The following APPL2 variants were observed in gnomAD, a reference collection of about 807,000 sequenced individuals.
APPL2 encodes DCC-interacting protein 13-beta.
APPL2 carries 84 observed loss-of-function variants against 92.7 expected under a neutral mutation model. The observed-to-expected ratio is 0.91, with a 90% CI of 0.76 to 1.09. The LOEUF (loss-of-function observed/expected upper bound fraction) is 1.09, where lower values mean the gene tolerates loss of function less well. APPL2 is among the 50% of genes least tolerant of loss of function. APPL2 has a pLI of 0.00. For synonymous variants in APPL2, 291 were observed against 291.0 expected (o/e 1.00, Z 0.00); for missense variants, 736 against 824.5 (o/e 0.89, Z 1.31).
At chr12:105,222,570 C>T in intron 2 of APPL2, among the ~76,000 whole-genome samples, 1 of 152,276 alleles carries the variant, frequency 6.6e-6, no homozygotes, top group South Asian at 2.1e-4. Context: ...GAAATGACAA[C>T]AAAGTGTGCC....
intron 1 of APPL2, among the ~76,000 whole-genome samples, chr12:105,232,796 C>T (rs1461342899): frequency 1.4e-5 from 2 of 144,938 alleles, no homozygotes; most frequent in Non-Finnish European, 3.0e-5. Flanking sequence ...AGAACCAAGT[C>T]TATTGAAAGG....
rs767146162 is a variant in APPL2, at chr12:105,208,163, C to T, written c.410G>A (p.Ser137Asn). The change falls in exon 6 of 21, where the codon AGC (serine) becomes AAC (asparagine). Residue 137 changes from serine (S) to asparagine (N), a missense_variant. Ser to Asn is a conservative substitution (Grantham distance 46). Coordinates refer to ENST00000258530, the MANE Select transcript of APPL2 (RefSeq NM_018171.5). The part of the protein sequence containing the change: ...STLKDLFGLA[S>N]NEHDLSMAKY... ...GGAATGGAGAAGGTGCCTACCATTG[C>T]TAGCGAGTCCAAATAGATCCTTTAA... 1.2e-5 allele frequency: 19 copies of T among 1,614,112 alleles called. No homozygotes were observed. The highest frequency in any genetic ancestry group is 1.6e-5 in the Non-Finnish European group (19 of 1,180,038).
intron 2 of APPL2, among the ~76,000 whole-genome samples, chr12:105,221,178 A>G (rs892762506): frequency 6.6e-6 from 1 of 152,244 alleles, no homozygotes; most frequent in South Asian, 2.1e-4. Flanking sequence ...CCTGTGAGGT[A>G]GGCCTGCAAA....
At position 105,203,399 on chromosome 12, in the gene APPL2, G is replaced by A. The variant is rs540350048; in HGVS notation, c.704+304C>T. On this transcript the variant is annotated intron_variant, in intron 9 of 20. Transcript: ENST00000258530. ...CAGCACTTCCATCTGCTACTGCCACGTACTCTCAAAGAAAGTCAAGAGCTC... is the reference window on the plus strand; with the variant it reads ...CAGCACTTCCATCTGCTACTGCCACATACTCTCAAAGAAAGTCAAGAGCTC... 3.5e-4 allele frequency: 118 copies of A among 337,204 alleles called. 2 individuals are homozygous for A. The East Asian group carries it at 4.3e-3, about 12-fold the overall frequency. 20.9% of individuals were successfully genotyped at this position (337,204 alleles called of 1,614,324 possible).
intron 20 of APPL2, 82 bp downstream of exon 20, chr12:105,175,952 CT>C: frequency 7.4e-7 from 1 of 1,348,948 alleles, no homozygotes; most frequent in Non-Finnish European, 1.0e-6. Context: ...GTGAACATCA[CT>C]TTTCTTTTTG....
chr12:105,202,824 G>A (rs762201535), intron 9 of APPL2, among the ~76,000 whole-genome samples: 3 of 152,106 alleles, frequency 2.0e-5, no homozygotes, highest in Non-Finnish European at 4.4e-5. Flanking sequence ...CTCAGCACTG[G>A]TTTTTCTTGG....
intron 11 of APPL2, among the ~76,000 whole-genome samples, chr12:105,196,170 T>G (rs952395929): frequency 6.6e-6 from 1 of 152,114 alleles, no homozygotes; most frequent in African/African-American, 2.4e-5. Context: ...CCTCAGCATG[T>G]TCATCTATGA....
intron 1 of APPL2, among the ~76,000 whole-genome samples, chr12:105,232,146 A>G (rs1890970898): frequency 6.6e-6 from 1 of 152,216 alleles, no homozygotes; most frequent in South Asian, 2.1e-4. Context: ...AGCTATTTTT[A>G]TTTTTATTTT....
rs958401158 is a variant in APPL2, at chr12:105,196,144, T to C, written c.1053-517A>G. On this transcript the variant is annotated intron_variant, in intron 11 of 20. Coordinates refer to ENST00000258530, the MANE Select transcript of APPL2 (RefSeq NM_018171.5). ...TTCACTATGTGATCTTGGACAAACATGGCCGTTTCCCTGGGCCTCAGCATG... is the reference window on the plus strand; with the variant it reads ...TTCACTATGTGATCTTGGACAAACACGGCCGTTTCCCTGGGCCTCAGCATG... Among the ~76,000 whole-genome samples, 3 of 151,938 alleles carry C rather than the reference T, an allele frequency of 2.0e-5. No homozygotes were observed. The South Asian group carries it at 6.2e-4, about 32-fold the overall frequency.
At chr12:105,233,575 T>G (rs556273836) in intron 1 of APPL2, 1 of 183,158 alleles carries the variant, frequency 5.5e-6, no homozygotes, top group Admixed American at 6.5e-5. Context: ...TCAAAATTAC[T>G]CTTCATAAAA....
chr12:105,232,656 C>T (rs1299687154), intron 1 of APPL2, among the ~76,000 whole-genome samples: 2 of 150,056 alleles, frequency 1.3e-5, no homozygotes, highest in African/African-American at 4.9e-5. Flanking sequence ...CCTAGCTACT[C>T]AGAAGGCTGA....
chr12:105,194,563 C>T (rs1024503928), intron 14 of APPL2, among the ~76,000 whole-genome samples: 1 of 151,808 alleles, frequency 6.6e-6, no homozygotes, highest in Non-Finnish European at 1.5e-5. Flanking sequence ...TGGTGGTGGG[C>T]GCCTGTAATC....
rs566152346 is a variant in APPL2, at chr12:105,221,069, A to G, written c.154-3344T>C. On this transcript the variant is annotated intron_variant, in intron 2 of 20. Transcript: ENST00000258530. ...AGCACATTGTGTGAAAAGTCTTTCA[A>G]AAGAGATCAACTTTAATCTTACTCA... Among the ~76,000 whole-genome samples the G allele has an allele frequency of 5.3e-5, 8 of 152,352 alleles. No homozygotes were observed. The South Asian group carries it at 1.7e-3, about 32-fold the overall frequency.
chr12:105,234,620 C>T (rs1891121055), intron 1 of APPL2, among the ~76,000 whole-genome samples: 2 of 152,214 alleles, frequency 1.3e-5, no homozygotes, highest in Non-Finnish European at 2.9e-5. Flanking sequence ...TATTTCTGTG[C>T]ACCTCAGTTT....
Position 105,236,167 on chromosome 12 carries a change from C to A in APPL2, c.-155G>T, listed in dbSNP as rs1277542331. 1 of 278,114 alleles carries A rather than the reference C, an allele frequency of 3.6e-6. No homozygotes were observed. The highest frequency in any genetic ancestry group is 5.7e-6 in the Non-Finnish European group (1 of 174,256). The allele number at this position is 278,114 out of a possible 1,614,324, so 17.2% of individuals were successfully genotyped here. A position where few individuals can be genotyped will look rare whatever the true frequency, so the allele number is the denominator to read the frequency against. ...GCGTCCACGCCTGGCCAGTGGCCGCCGCCGCCTGCCCGCCGGCCCAGCCCC... is the reference window on the plus strand; with the variant it reads ...GCGTCCACGCCTGGCCAGTGGCCGCAGCCGCCTGCCCGCCGGCCCAGCCCC... On this transcript the variant is annotated 5_prime_UTR_variant, in exon 1 of 21. Transcript: ENST00000258530.
At chr12:105,212,022 G>A (rs1889264578) in intron 4 of APPL2, among the ~76,000 whole-genome samples, 1 of 149,396 alleles carries the variant, frequency 6.7e-6, no homozygotes, top group African/African-American at 2.5e-5. Context: ...GGGAGGCTGA[G>A]GCAGGAGAAT....
chr12:105,215,477 TCA>T (rs1196401286), intron 4 of APPL2, among the ~76,000 whole-genome samples: 1 of 152,204 alleles, frequency 6.6e-6, no homozygotes, highest in Non-Finnish European at 1.5e-5. Flanking sequence ...TATGACGTGT[TCA>T]CTTTTACATC....
chr12:105,203,010 T>TACACACACACACACAC (rs3838812), intron 9 of APPL2, among the ~76,000 whole-genome samples: 11 of 146,096 alleles, frequency 7.5e-5, no homozygotes, highest in East Asian at 6.1e-4. Context: ...ATTTGTCAAC[T>TACACACACACACACAC]ACACACACAC....
intron 9 of APPL2, among the ~76,000 whole-genome samples, chr12:105,202,363 G>A (rs1049520007): frequency 2.6e-5 from 4 of 152,168 alleles, no homozygotes; most frequent in Admixed American, 2.6e-4. Context: ...TGACAAGAAG[G>A]GAAGACAGAG....
Sources: gnomAD v4.1 joint callset for allele counts (sites outside exome capture counted in the v4.1 genomes callset) on GRCh38, gnomAD v4.1.1 for gene constraint, MANE v1.5 for transcripts, NCBI Gene and HGNC (gene_info 2026-07-23, HGNC 2026-07-21) for gene names.